Variants in CHCHD6 observed in about 807,000 individuals in gnomAD.
CHCHD6 encodes the protein coiled-coil-helix-coiled-coil-helix domain containing 6.
CHCHD6 carries 28 observed loss-of-function variants against 32.3 expected under a neutral mutation model. The observed-to-expected ratio is 0.87, with a 90% CI of 0.64 to 1.19. The LOEUF (loss-of-function observed/expected upper bound fraction) is 1.19. Ranked by LOEUF, CHCHD6 falls within the 50% of genes most tolerant of loss-of-function variation. CHCHD6 has a pLI of 0.00. For synonymous variants in CHCHD6, 122 were observed against 117.5 expected (o/e 1.04, Z -0.25); for missense variants, 333 against 307.0 (o/e 1.08, Z -0.63).
chr3:126,718,872 G>A (rs1371987554), intron 1 of CHCHD6, among the ~76,000 whole-genome samples: 2 of 152,218 alleles, frequency 1.3e-5, no homozygotes, highest in East Asian at 1.9e-4. Context: ...GTGTGTGTAT[G>A]TATATTTGTT....
chr3:126,873,906 C>T (rs1270182967), intron 5 of CHCHD6, among the ~76,000 whole-genome samples: 1 of 152,186 alleles, frequency 6.6e-6, no homozygotes, highest in Non-Finnish European at 1.5e-5. Flanking sequence ...GTGGTAGAAG[C>T]GGGATTTAAA....
intron 5 of CHCHD6, among the ~76,000 whole-genome samples, chr3:126,856,465 G>A (rs552081015): frequency 2.6e-5 from 4 of 152,310 alleles, no homozygotes; most frequent in East Asian, 1.9e-4. Context: ...TGAGACCCTC[G>A]ACTGCTTGTG....
intron 4 of CHCHD6, among the ~76,000 whole-genome samples, chr3:126,764,886 A>G (rs1937302973): frequency 6.6e-6 from 1 of 152,142 alleles, no homozygotes; most frequent in South Asian, 2.1e-4. Flanking sequence ...TGGACTACTG[A>G]TTGAACACAG....
chr3:126,794,174 G>A (rs1205893840), intron 4 of CHCHD6, among the ~76,000 whole-genome samples: 3 of 151,946 alleles, frequency 2.0e-5, no homozygotes, highest in African/African-American at 7.2e-5. Flanking sequence ...ATTTCTGCAA[G>A]TATTTTTTCT....
At chr3:126,731,206 G>A (rs963648159) in intron 3 of CHCHD6, among the ~76,000 whole-genome samples, 2 of 151,720 alleles carry the variant, frequency 1.3e-5, no homozygotes, top group African/African-American at 4.8e-5. Context: ...TGTTTTTAGA[G>A]AGATGAGGAA....
Position 126,954,789 on chromosome 3 carries a change from C to T in CHCHD6, c.567-2627C>T, listed in dbSNP as rs576119208. On this transcript the variant is annotated intron_variant, in intron 6 of 7. Coordinates refer to ENST00000290913, the MANE Select transcript of CHCHD6 (RefSeq NM_032343.3). ...GTCTCAGACTCTAGAGGGCCAGCAC[C>T]GTCAGGAGGAACAGAAGACACAGCA... 4.6e-5 allele frequency among the ~76,000 whole-genome samples: 7 copies of T among 152,306 alleles called. No individual in the cohort carries two copies. The East Asian group carries it at 1.2e-3, about 25-fold the overall frequency.
At chr3:126,766,046 C>T (rs1004463391) in intron 4 of CHCHD6, among the ~76,000 whole-genome samples, 1 of 151,986 alleles carries the variant, frequency 6.6e-6, no homozygotes, top group Admixed American at 6.6e-5. Context: ...ATGGCGATTC[C>T]TCTTCTATGT....
intron 5 of CHCHD6, among the ~76,000 whole-genome samples, chr3:126,853,929 C>G (rs560908343): frequency 2.6e-5 from 4 of 152,276 alleles, no homozygotes; most frequent in African/African-American, 9.6e-5. Context: ...TTCATAGGCA[C>G]AGGGTTTTGG....
intron 4 of CHCHD6, among the ~76,000 whole-genome samples, chr3:126,772,761 G>A (rs1212526834): frequency 2.0e-5 from 3 of 152,180 alleles, no homozygotes; most frequent in Non-Finnish European, 4.4e-5. Flanking sequence ...GTGTGAATTT[G>A]AACTTGTCAT....
intron 5 of CHCHD6, among the ~76,000 whole-genome samples, chr3:126,869,288 C>CTTTTTTTTTTT (rs58408227): frequency 1.8e-5 from 2 of 108,700 alleles, no homozygotes; most frequent in African/African-American, 3.5e-5. Context: ...CACCAGTCTC[C>CTTTTTTTTTTT]TTTTTTTTTT....
chr3:126,953,196 C>A, intron 6 of CHCHD6: 1 of 928,244 alleles, frequency 1.1e-6, no homozygotes, highest in Non-Finnish European at 1.3e-6. Context: ...TTTGTCTGAT[C>A]CCAGAACCTG....
At chr3:126,957,956 G>C in intron 7 of CHCHD6, 1 of 328,636 alleles carries the variant, frequency 3.0e-6, no homozygotes, top group South Asian at 2.8e-5. Context: ...AGGCCATCTG[G>C]AAGAGGAGTG....
At chr3:126,736,197 T>C (rs1936037893) in intron 4 of CHCHD6, among the ~76,000 whole-genome samples, 1 of 152,196 alleles carries the variant, frequency 6.6e-6, no homozygotes, top group Non-Finnish European at 1.5e-5. Flanking sequence ...CAGGGAAATT[T>C]TTCTTTCCTC....
At chr3:126,783,640 T>A (rs7628682) in intron 4 of CHCHD6, among the ~76,000 whole-genome samples, 7,517 of 152,326 alleles carry the variant, frequency 0.049, 234 homozygotes, top group African/African-American at 0.077. Flanking sequence ...ATACTAATAA[T>A]GACCTATCTG....
intron 4 of CHCHD6, 52 bp from the exon 5 acceptor site, chr3:126,852,595 A>G (rs1385191464): frequency 7.3e-7 from 1 of 1,368,644 alleles, no homozygotes; most frequent in Non-Finnish European, 1.0e-6. Context: ...CTGCAGCACC[A>G]TTCCAGCACC....
chr3:126,778,483 T>C (rs1027992364), intron 4 of CHCHD6, among the ~76,000 whole-genome samples: 2 of 152,256 alleles, frequency 1.3e-5, no homozygotes, highest in South Asian at 2.1e-4. Context: ...GGTATCTCAT[T>C]GTGGTTACGA....
At chr3:126,723,952 C>G (rs2107655533) in intron 1 of CHCHD6, among the ~76,000 whole-genome samples, 1 of 152,282 alleles carries the variant, frequency 6.6e-6, no homozygotes, top group East Asian at 1.9e-4. Context: ...GATTTTTATC[C>G]TGGATTGATC....
At chr3:126,837,804 T>C (rs549136653) in intron 4 of CHCHD6, among the ~76,000 whole-genome samples, 3 of 152,264 alleles carry the variant, frequency 2.0e-5, no homozygotes, top group South Asian at 4.2e-4. Context: ...CTGCAGAGAA[T>C]GTGGTACTTA....
At chr3:126,737,548 A>G (rs1936103836) in intron 4 of CHCHD6, among the ~76,000 whole-genome samples, 1 of 152,086 alleles carries the variant, frequency 6.6e-6, no homozygotes, top group African/African-American at 2.4e-5. Context: ...AGAATTAAAC[A>G]TTCTCAGAAG....
Sources: allele counts gnomAD v4.1 joint callset (sites outside exome capture counted in the v4.1 genomes callset), GRCh38; gene constraint gnomAD v4.1.1; transcripts MANE v1.5; gene names NCBI Gene and HGNC (gene_info 2026-07-23, HGNC 2026-07-21).